Variants in DLEC1 observed in about 807,000 individuals in gnomAD.
DLEC1 encodes DLEC1 cilia and flagella associated protein, also known as deleted in lung and esophageal cancer protein 1.
A neutral mutation model predicts 198.1 loss-of-function variants in DLEC1; 146 were observed. That is an observed-to-expected ratio of 0.74 (90% CI 0.64 to 0.85). The LOEUF is 0.85. DLEC1 is among the 40% of genes least tolerant of loss of function. The pLI, the probability that DLEC1 is intolerant of heterozygous loss-of-function variation, is 0.00. For synonymous variants in DLEC1, 897 were observed against 866.8 expected (o/e 1.03, Z -0.61); for missense variants, 2,233 against 2,220.0 (o/e 1.01, Z -0.12).
chr3:38,060,818 C>T (rs1034388171), intron 3 of DLEC1, among the ~76,000 whole-genome samples: 3 of 152,064 alleles, frequency 2.0e-5, no homozygotes, highest in African/African-American at 4.8e-5. Flanking sequence ...CCTCAGCCTC[C>T]CAAGTAGCTG....
At chr3:38,121,553 G>A (rs1700461714) in intron 34 of DLEC1, 75 bp from the exon 35 acceptor site, 2 of 1,534,648 alleles carry the variant, frequency 1.3e-6, no homozygotes, top group South Asian at 2.5e-5. Flanking sequence ...CTTGGGGTCA[G>A]CAGGGTTCTG....
At chr3:38,052,420 A>G (rs900557328) in intron 2 of DLEC1, 4 of 198,082 alleles carry the variant, frequency 2.0e-5, no homozygotes, top group Non-Finnish European at 4.3e-5. Flanking sequence ...TGAACCACAA[A>G]TAAGCAAGGG....
At position 38,088,410 on chromosome 3, in the gene DLEC1, T is replaced by C. The variant is rs1330262751; in HGVS notation, c.1665+22T>C. 4.4e-6 allele frequency: 7 copies of C among 1,600,786 alleles called. No homozygotes were observed. The South Asian group carries it at 7.7e-5, about 18-fold the overall frequency. Reference sequence around the variant, plus strand: ...GGAGGTAGGTAATCAGACATTGGCATGTATTTCCTCAACTGCTTGCATGCT... The same window carrying C: ...GGAGGTAGGTAATCAGACATTGGCACGTATTTCCTCAACTGCTTGCATGCT... On this transcript the variant is annotated intron_variant, in intron 10 of 36. Coordinates refer to ENST00000308059, the MANE Select transcript of DLEC1 (RefSeq NM_007335.4).
At chr3:38,068,000 C>T (rs573835526) in intron 6 of DLEC1, among the ~76,000 whole-genome samples, 7 of 152,236 alleles carry the variant, frequency 4.6e-5, no homozygotes, top group South Asian at 2.1e-4. Flanking sequence ...ATGATTCACT[C>T]GCCTTGGCCT....
intron 10 of DLEC1, among the ~76,000 whole-genome samples, chr3:38,088,895 C>T (rs994577322): frequency 1.1e-4 from 17 of 152,164 alleles, no homozygotes; most frequent in Non-Finnish European, 2.4e-4. Flanking sequence ...CGTCTCCTTT[C>T]CTAACTGGCC....
chr3:38,071,035 C>T (rs958149183), intron 6 of DLEC1, among the ~76,000 whole-genome samples: 9 of 151,926 alleles, frequency 5.9e-5, no homozygotes, highest in South Asian at 2.1e-4. Flanking sequence ...AGAGAATGGG[C>T]GATGTTTCTT....
intron 19 of DLEC1, among the ~76,000 whole-genome samples, chr3:38,106,949 A>T (rs1313961092): frequency 6.6e-6 from 1 of 152,188 alleles, no homozygotes; most frequent in Non-Finnish European, 1.5e-5. Context: ...GAAAGACTGA[A>T]CAAACTGAAA....
At chr3:38,116,037 C>T (rs955261978) in intron 27 of DLEC1, among the ~76,000 whole-genome samples, 2 of 151,974 alleles carry the variant, frequency 1.3e-5, no homozygotes, top group African/African-American at 2.4e-5. Context: ...ATGGCGGCCC[C>T]CAAAGACTAG....
intron 19 of DLEC1, among the ~76,000 whole-genome samples, chr3:38,106,638 C>T (rs575607122): frequency 2.0e-4 from 31 of 151,868 alleles, no homozygotes; most frequent in African/African-American, 6.3e-4. Flanking sequence ...TGCCTGTAGT[C>T]CCAGCTACTC....
chr3:38,062,260 A>T lies in DLEC1; in HGVS notation c.765A>T (p.Ser255=). The T allele has an allele frequency of 1.2e-6, 2 of 1,614,232 alleles. No homozygotes were observed. Among genetic ancestry groups the T allele is most frequent in the Non-Finnish European group, 1.7e-6 (2 of 1,180,040 alleles). ...KKELNKKLED[S]CRKKLAEFED... Reference sequence around the variant, plus strand: ...AGCTGAACAAGAAGCTTGAAGATTCATGCAGGAAGAAGCTTGCTGAGTTCG... The same window carrying T: ...AGCTGAACAAGAAGCTTGAAGATTCTTGCAGGAAGAAGCTTGCTGAGTTCG... The change falls in exon 4 of 37, where the codon TCA becomes TCT. Residue 255 remains serine, a synonymous_variant. Coordinates refer to ENST00000308059, the MANE Select transcript of DLEC1 (RefSeq NM_007335.4).
intron 6 of DLEC1, among the ~76,000 whole-genome samples, chr3:38,065,079 G>A (rs187763214): frequency 0.013 from 1,965 of 152,356 alleles, 38 homozygotes; most frequent in African/African-American, 0.043. Flanking sequence ...GACTCCGTCT[G>A]CAATCCCGGC....
In DLEC1 at chr3:38,123,280, CG is replaced by C; in HGVS notation, c.*870del. On this transcript the variant is annotated 3_prime_UTR_variant, in exon 37 of 37. Coordinates refer to ENST00000308059, the MANE Select transcript of DLEC1 (RefSeq NM_007335.4). ...CTGGCCTCCCACTTGGGCACACACA[CG>C]GTGACAGATGCCCACTGCAGGCTAG... 3.0e-6 allele frequency: 2 copies of C among 660,840 alleles called. No individual in the cohort carries two copies. Among genetic ancestry groups the C allele is most frequent in the Non-Finnish European group, 5.4e-6 (2 of 370,106 alleles). 40.9% of individuals were successfully genotyped at this position (660,840 alleles called of 1,614,324 possible). A position where few individuals can be genotyped will look rare whatever the true frequency, so the allele number is the denominator to read the frequency against.
chr3:38,119,360 A>C (rs112719644), intron 33 of DLEC1, among the ~76,000 whole-genome samples: 4,394 of 151,728 alleles, frequency 0.029, 104 homozygotes, highest in African/African-American at 0.054. Context: ...GCAAATACCA[A>C]CCCCAGCCCC....
chr3:38,116,517 G>A lies in DLEC1; in HGVS notation c.3921G>A (p.Leu1307=), dbSNP rs1700169964. 3 of 1,614,142 alleles carry A rather than the reference G, an allele frequency of 1.9e-6. No homozygotes were observed. The highest frequency in any genetic ancestry group is 1.7e-4 in the Middle Eastern group (1 of 6,058). The change falls in exon 28 of 37, where the codon CTG becomes CTA. Residue 1307 remains leucine, a synonymous_variant. Transcript: ENST00000308059. ...EDKEDRLVEL[L]VFYGPPFPLR... ...AGGAAGACCGGCTGGTGGAGCTGCTGGTGTTTTATGGGCCACCTTTCCCGC... is the reference window on the plus strand; with the variant it reads ...AGGAAGACCGGCTGGTGGAGCTGCTAGTGTTTTATGGGCCACCTTTCCCGC...
At chr3:38,050,393 G>A (rs1701057430) in intron 2 of DLEC1, among the ~76,000 whole-genome samples, 1 of 152,176 alleles carries the variant, frequency 6.6e-6, no homozygotes, top group Non-Finnish European at 1.5e-5. Context: ...ACCTGAGGCT[G>A]GGTAATTTAT....
intron 7 of DLEC1, among the ~76,000 whole-genome samples, 162 bp downstream of exon 7, chr3:38,084,407 G>GGTAGTAGTAGTAGTGATGGTGGTAGTA (rs1559430017): frequency 3.4e-3 from 14 of 4,102 alleles, no homozygotes; most frequent in Non-Finnish European, 0.014. Context: ...TAGTAGTGGT[G>GGTAGTAGTAGTAGTGATGGTGGTAGTA]GTGGTAGTAG....
intron 8 of DLEC1, 78 bp from the exon 9 acceptor site, chr3:38,086,163 C>A (rs1024778804): frequency 2.0e-6 from 3 of 1,518,306 alleles, no homozygotes; most frequent in Non-Finnish European, 2.7e-6. Context: ...TCTGGCTGTA[C>A]CTCAGGAGAA....
In DLEC1 at chr3:38,123,706, A is replaced by G. The variant is rs932877583; in HGVS notation, c.*1294A>G. 3.9e-5 allele frequency: 6 copies of G among 152,344 alleles called. No individual in the cohort carries two copies. Among genetic ancestry groups the G allele is most frequent in the African/African-American group, 1.4e-4 (6 of 41,454 alleles). 9.4% of individuals were successfully genotyped at this position (152,344 alleles called of 1,614,324 possible). ...CTTTTTTAAAAGATTGATTTAAAAGATATTTACATTTTTAGGCCAGGTGTG... is the reference window on the plus strand; with the variant it reads ...CTTTTTTAAAAGATTGATTTAAAAGGTATTTACATTTTTAGGCCAGGTGTG... On this transcript the variant is annotated 3_prime_UTR_variant, in exon 37 of 37. Transcript: ENST00000308059.
intron 2 of DLEC1, among the ~76,000 whole-genome samples, chr3:38,049,537 A>G (rs1276227500): frequency 1.3e-5 from 2 of 152,220 alleles, no homozygotes; most frequent in Non-Finnish European, 2.9e-5. Flanking sequence ...ACTTGTCCAC[A>G]TTATCCAAGA....
Sources: allele counts gnomAD v4.1 joint callset (sites outside exome capture counted in the v4.1 genomes callset), GRCh38; gene constraint gnomAD v4.1.1; transcripts MANE v1.5; gene names NCBI Gene and HGNC (gene_info 2026-07-23, HGNC 2026-07-21).